The following NOTCH4 variants were observed in gnomAD, a reference collection of about 807,000 sequenced individuals.
The protein encoded by NOTCH4 is notch receptor 4.
NOTCH4 carries 138 observed loss-of-function variants against 189.0 expected under a neutral mutation model. The ratio of observed to expected loss-of-function variants is 0.73; its 90% CI spans 0.64 to 0.84. The LOEUF (loss-of-function observed/expected upper bound fraction) is 0.84, where lower values mean the gene tolerates loss of function less well. NOTCH4 is among the 40% of genes least tolerant of loss of function. The pLI, the probability that NOTCH4 is intolerant of heterozygous loss-of-function variation, is 0.00. For missense variants in NOTCH4, 2,286 were observed against 2,605.4 expected, an observed-to-expected ratio of 0.88 and a Z score of 2.67; for synonymous variants, 942 against 1,032.8, an observed-to-expected ratio of 0.91 and a Z score of 1.69.
chr6:32,203,799 G>A lies in NOTCH4; in HGVS notation c.3202C>T (p.Pro1068Ser), dbSNP rs145829334. The A allele has an allele frequency of 3.4e-5, 53 of 1,558,814 alleles. No homozygotes were observed. In the African/African-American group the frequency reaches 6.2e-4, roughly 18 times the overall value. ...GGGCAGTGGCAGATGAAACCCAGGGGTGATCCTGCTGTGGCCTCACAGGTC... is the reference window on the plus strand; with the variant it reads ...GGGCAGTGGCAGATGAAACCCAGGGATGATCCTGCTGTGGCCTCACAGGTC... The part of the protein sequence containing the change: ...GGTCEATAGS[P>S]LGFICHCPKG... The change falls in exon 20 of 30, where the codon CCC (proline) becomes TCC (serine). Residue 1068 changes from proline to serine, a missense_variant. Coordinates refer to ENST00000375023, the MANE Select transcript of NOTCH4 (RefSeq NM_004557.4).
At position 32,213,785 on chromosome 6, in the gene NOTCH4, G is replaced by A. The variant is rs201608659; in HGVS notation, c.2223C>T (p.Gly741=). The stretch of plus-strand genomic sequence containing the variant: ...CTCCAGGGCTAGGGTTGCAGGAGCC[G>A]CCATTGAGACATGGCCCTGAGTGAC... ...TACHSGPCLN[G]GSCNPSPGGY... Residue 741 remains glycine (G), a synonymous_variant, in exon 14 of 30, where the codon GGC becomes GGT. Coordinates refer to ENST00000375023, the MANE Select transcript of NOTCH4 (RefSeq NM_004557.4). The A allele has an allele frequency of 2.6e-5, 42 of 1,611,918 alleles. No individual in the cohort carries two copies. The highest frequency in any genetic ancestry group is 3.6e-5 in the Non-Finnish European group (42 of 1,179,892).
chr6:32,197,223 ACT>A, intron 27 of NOTCH4, 74 bp downstream of exon 27: 1 of 1,513,198 alleles, frequency 6.6e-7, no homozygotes, highest in Non-Finnish European at 8.8e-7. Context: ...TCCTTGTCAA[ACT>A]CTAGGGGATG....
At chr6:32,223,393 G>T (rs936129436) in intron 1 of NOTCH4, among the ~76,000 whole-genome samples, 46 of 152,222 alleles carry the variant, frequency 3.0e-4, no homozygotes, top group African/African-American at 1.1e-3. Flanking sequence ...CCCGGGAGGT[G>T]AATGGCTGAG....
Position 32,217,866 on chromosome 6 carries a change from G to C in NOTCH4, c.1624+129C>G. ...AAGAGTAGAGATTTTGGGGAGCAAA[G>C]ACAGATTTGGAGGACTCCTTGGCTT... On this transcript the variant is annotated intron_variant, in intron 9 of 29. Transcript: ENST00000375023. This position sits in a 1 kb window ranked among gnomAD's most constrained non-coding sequence, Gnocchi z 4.2. The C allele has an allele frequency of 1.6e-6, 1 of 643,866 alleles. No homozygotes were observed. The highest frequency in any genetic ancestry group is 2.7e-5 in the East Asian group (1 of 36,494). 39.9% of individuals were successfully genotyped at this position (643,866 alleles called of 1,614,324 possible). A position where few individuals can be genotyped will look rare whatever the true frequency, so the allele number is the denominator to read the frequency against.
intron 6 of NOTCH4, 36 bp downstream of exon 6, chr6:32,220,369 C>G (rs774699484): frequency 1.9e-6 from 3 of 1,612,698 alleles, no homozygotes; most frequent in Non-Finnish European, 2.5e-6. Flanking sequence ...CCCTCCTTCT[C>G]TACCTCCCAC....
rs769639556 is a variant in NOTCH4, at chr6:32,194,919, G to A, written c.*518C>T. ...AGCGATAGCAGTGGCTAGAAGAAGC[G>A]CTTCATCCCCACAGTGGAGTTCTTT... On this transcript the variant is annotated 3_prime_UTR_variant, in exon 30 of 30. Transcript: ENST00000375023. This position sits in a 1 kb window ranked among gnomAD's most constrained non-coding sequence, Gnocchi z 4.5. 10 of 234,482 alleles carry A rather than the reference G, an allele frequency of 4.3e-5. No homozygotes were observed. The highest frequency in any genetic ancestry group is 1.1e-4 in the Admixed American group (2 of 17,820). The allele number at this position is 234,482 out of a possible 1,614,324, so 14.5% of individuals were successfully genotyped here.
At chr6:32,203,434 T>C (rs1243560068) in intron 20 of NOTCH4, 1 of 303,210 alleles carries the variant, frequency 3.3e-6, no homozygotes, top group African/African-American at 2.2e-5. Flanking sequence ...ATTAGTCTAA[T>C]TCCATGCATC....
chr6:32,206,936 C>CT (rs70990300), intron 18 of NOTCH4, among the ~76,000 whole-genome samples: 4,090 of 143,266 alleles, frequency 0.029, 98 homozygotes, highest in South Asian at 0.1. Flanking sequence ...CTTTTCTTTC[C>CT]TTTTTTTTTT....
At chr6:32,222,367 T>C (rs910869034) in intron 3 of NOTCH4, 144 bp downstream of exon 3, 21 of 643,796 alleles carry the variant, frequency 3.3e-5, no homozygotes, top group South Asian at 2.6e-4. Context: ...GGTAAGTGGA[T>C]TGCCAAGAAT....
chr6:32,204,308 A>C lies in NOTCH4; in HGVS notation c.2947T>G (p.Cys983Gly). Residue 983 changes from cysteine to glycine, a missense_variant, in exon 19 of 30, where the codon TGT (cysteine) becomes GGT (glycine). Cys to Gly is a radical substitution (Grantham distance 159, BLOSUM62 -3). Transcript: ENST00000375023. Reference sequence around the variant, plus strand: ...TGGAATCCTCCAGGTTTGGGAGTACAGGTTCCATGGTTGTGACAGGGTTGG... The same window carrying C: ...TGGAATCCTCCAGGTTTGGGAGTACCGGTTCCATGGTTGTGACAGGGTTGG... The part of the protein sequence containing the change: ...QSQPCHNHGT[C>G]TPKPGGFHCA... 6.2e-7 allele frequency: 1 copy of C among 1,613,030 alleles called. No individual in the cohort carries two copies. Among genetic ancestry groups the C allele is most frequent in the Non-Finnish European group, 8.5e-7 (1 of 1,179,982 alleles).
intron 18 of NOTCH4, among the ~76,000 whole-genome samples, chr6:32,207,032 C>T (rs1028353828): frequency 2.0e-5 from 3 of 151,228 alleles, no homozygotes; most frequent in Non-Finnish European, 4.4e-5. Context: ...TGGGTTCAAG[C>T]GATTCTCCTG....
chr6:32,210,783 C>G lies in NOTCH4; in HGVS notation c.2834G>C (p.Cys945Ser), dbSNP rs144858053. The G allele has an allele frequency of 6.2e-7, 1 of 1,612,862 alleles. No homozygotes were observed. Among genetic ancestry groups the G allele is most frequent in the Non-Finnish European group, 8.5e-7 (1 of 1,180,008 alleles). The change falls in exon 18 of 30, where the codon TGC becomes TCC. Residue 945 changes from cysteine to serine, a missense_variant. Around this residue, in one of 2 missense-constraint regions of NOTCH4, gnomAD observed 1,903 missense variants for 2,261.9 expected, o/e 0.84. Transcript: ENST00000375023. This position sits in a 1 kb window ranked among gnomAD's most constrained non-coding sequence, Gnocchi z 4.8. ...ESRPCQNGAT[C>S]MAQPSGYLCQ... Reference sequence around the variant, plus strand: ...GAGATACCCACTGGGCTGGGCCATGCAGGTGGCCCCGTTCTGGCAAGGCCT... The same window carrying G: ...GAGATACCCACTGGGCTGGGCCATGGAGGTGGCCCCGTTCTGGCAAGGCCT...
At position 32,222,774 on chromosome 6, in the gene NOTCH4, T is replaced by C. The variant is rs753979539; in HGVS notation, c.188A>G (p.Gln63Arg). The change falls in exon 3 of 30, where the codon CAG becomes CGG. Residue 63 changes from glutamine to arginine, a missense_variant. By Grantham distance (43) the Gln-to-Arg change is conservative. Coordinates refer to ENST00000375023, the MANE Select transcript of NOTCH4 (RefSeq NM_004557.4). ...GGCGTTCTGGCAGGGGTCAGGAAAC[T>C]GGCACGTCTCACCCAGGAAGCCAGG... ...CAPGFLGETC[Q>R]FPDPCQNAQL... The C allele has an allele frequency of 1.5e-5, 24 of 1,611,192 alleles. No individual in the cohort carries two copies. The Admixed American group carries it at 3.7e-4, about 25-fold the overall frequency.
rs952114744 is a variant in NOTCH4, at chr6:32,213,677, T to C, written c.2320+11A>G. ...TGTGGACCCCAGCCCCATGACACAG[T>C]GGGCACTCACCAGACACACAGTAGT... On this transcript the variant is annotated intron_variant, in intron 14 of 29. Transcript: ENST00000375023. 7 of 1,612,368 alleles carry C rather than the reference T, an allele frequency of 4.3e-6. No homozygotes were observed. Among genetic ancestry groups the C allele is most frequent in the Non-Finnish European group, 5.9e-6 (7 of 1,179,652 alleles).
In NOTCH4 at chr6:32,222,535, A is replaced by T. The variant is rs2127490631; in HGVS notation, c.427T>A (p.Cys143Ser). The T allele has an allele frequency of 6.4e-7, 1 of 1,552,744 alleles. No homozygotes were observed. The highest frequency in any genetic ancestry group is 8.7e-7 in the Non-Finnish European group (1 of 1,154,778). ...CCTGTCCATCCAGGCATGCAGGAGC[A>T]CTGTGGGCGGCCCGAGGCCTGGATG... ...CHIQASGRPQCSCMPGWTGEQ... is the reference protein window; with the variant it reads ...CHIQASGRPQSSCMPGWTGEQ... Residue 143 changes from cysteine to serine, a missense_variant, in exon 3 of 30, where the codon TGC becomes AGC. Cys to Ser is a moderately radical substitution (Grantham distance 112). Coordinates refer to ENST00000375023, the MANE Select transcript of NOTCH4 (RefSeq NM_004557.4).
In NOTCH4 at chr6:32,212,754, C is replaced by T; in HGVS notation, c.2526+70G>A. The T allele has an allele frequency of 6.8e-7, 1 of 1,463,418 alleles. No homozygotes were observed. Among genetic ancestry groups the T allele is most frequent in the Non-Finnish European group, 9.2e-7 (1 of 1,091,634 alleles). 90.7% of individuals were successfully genotyped at this position (1,463,418 alleles called of 1,614,324 possible). A position where few individuals can be genotyped will look rare whatever the true frequency, so the allele number is the denominator to read the frequency against. On this transcript the variant is annotated intron_variant, in intron 16 of 29. Transcript: ENST00000375023. This position sits in a 1 kb window ranked among gnomAD's most constrained non-coding sequence, Gnocchi z 4.4. ...AACCTTCTCCTGAATGGCCTGGGAC[C>T]AGGTGACCCTCCCTGGTTTCCCTCC...
At position 32,204,184 on chromosome 6, in the gene NOTCH4, T is replaced by G; in HGVS notation, c.3071A>C (p.His1024Pro). The change falls in exon 19 of 30, where the codon CAC becomes CCC. Residue 1024 changes from histidine (H) to proline (P), a missense_variant. His to Pro is a moderately conservative substitution (Grantham distance 77, BLOSUM62 -2). Coordinates refer to ENST00000375023, the MANE Select transcript of NOTCH4 (RefSeq NM_004557.4). ...PCHPTGTAAC[H>P]SLANAFYCQC... ...GCAGTAGAAGGCATTGGCCAGAGAG[T>G]GGCAGGCTGCAGTGCCTGTGGGGTG... is the stretch of plus-strand genomic sequence containing the variant. 6.2e-7 allele frequency: 1 copy of G among 1,612,564 alleles called. No individual in the cohort carries two copies.
chr6:32,200,868 A>C lies in NOTCH4; in HGVS notation c.4278T>G (p.Pro1426=). The change falls in exon 23 of 30, where the codon CCT becomes CCG. Residue 1426 remains proline (P), a synonymous_variant. Transcript: ENST00000375023. The surrounding 1 kb of genome is among the most constrained non-coding windows in gnomAD (Gnocchi z 5.0). ...AAVGALEPLL[P]GPLLAVHPHA... The stretch of plus-strand genomic sequence containing the variant: ...GAGGGTGGACAGCCAGCAGTGGTCC[A>C]GGCAGCAGGGGCTCCAGGGCTCCCA... 2.5e-6 allele frequency: 4 copies of C among 1,608,802 alleles called. No individual in the cohort carries two copies. The highest frequency in any genetic ancestry group is 1.1e-5 in the South Asian group (1 of 90,484).
rs529856697 is a variant in NOTCH4, at chr6:32,195,950, C to T, written c.5499G>A (p.Pro1833=). ...GCGGGAAGGGCCCAGCCTCGCGGCC[C>T]GGCGTGGCTTTGTGACGGGCCTCTG... ...GPPEARHKAT[P]GREAGPFPRA... Residue 1833 remains proline (P), a synonymous_variant, in exon 30 of 30, where the codon CCG becomes CCA. Transcript: ENST00000375023. This position sits in a 1 kb window ranked among gnomAD's most constrained non-coding sequence, Gnocchi z 5.4. 6.9e-6 allele frequency: 11 copies of T among 1,593,050 alleles called. No homozygotes were observed. Among genetic ancestry groups the T allele is most frequent in the South Asian group, 5.5e-5 (5 of 90,190 alleles).
Sources: allele counts gnomAD v4.1 joint callset (sites outside exome capture counted in the v4.1 genomes callset), GRCh38; gene constraint gnomAD v4.1.1; regional missense constraint gnomAD v4.1.1; non-coding constraint Gnocchi (gnomAD v3.1); transcripts MANE v1.5; gene names NCBI Gene and HGNC (gene_info 2026-07-23, HGNC 2026-07-21).